The following ULK4 variants were observed in gnomAD, a reference collection of about 807,000 sequenced individuals.
The protein encoded by ULK4 is inactive serine/threonine-protein kinase ULK4.
A neutral mutation model predicts 160.6 loss-of-function variants in ULK4; 133 were observed. The observed-to-expected ratio is 0.83, with a 90% CI of 0.72 to 0.96. ULK4 has a LOEUF of 0.96. Ranked by LOEUF, ULK4 falls within the 40% of genes least tolerant of loss-of-function variation. The probability of loss-of-function intolerance (pLI) is 0.00; values close to 1 mark genes in which losing one functional copy is unlikely to be tolerated. For missense variants in ULK4, 1,580 were observed against 1,499.5 expected, an observed-to-expected ratio of 1.05 and a Z score of -0.89; for synonymous variants, 534 against 539.8, an observed-to-expected ratio of 0.99 and a Z score of 0.15.
At chr3:41,614,810 G>A (rs978563104) in intron 31 of ULK4, among the ~76,000 whole-genome samples, 2 of 152,218 alleles carry the variant, frequency 1.3e-5, no homozygotes, top group East Asian at 3.8e-4. Context: ...ATTAAGGAAA[G>A]TTGATTTCCC....
At chr3:41,680,651 AT>A (rs558571863) in intron 29 of ULK4, among the ~76,000 whole-genome samples, 1 of 152,060 alleles carries the variant, frequency 6.6e-6, no homozygotes, top group Non-Finnish European at 1.5e-5. Context: ...ATGATCATTA[AT>A]TTTTTTTAAA....
chr3:41,467,426 C>G (rs2083862495), intron 32 of ULK4, among the ~76,000 whole-genome samples: 1 of 152,106 alleles, frequency 6.6e-6, no homozygotes, highest in South Asian at 2.1e-4. Context: ...ACTCAGGAGG[C>G]TGAGGCAGGA....
chr3:41,390,349 T>G (rs1000408233), intron 35 of ULK4, among the ~76,000 whole-genome samples: 6 of 152,308 alleles, frequency 3.9e-5, no homozygotes, highest in African/African-American at 1.4e-4. Context: ...TGAAGGGTTT[T>G]TTGTGTCTCT....
intron 2 of ULK4, among the ~76,000 whole-genome samples, chr3:41,943,171 C>T (rs1700011739): frequency 6.6e-6 from 1 of 150,840 alleles, no homozygotes; most frequent in Admixed American, 6.6e-5. Flanking sequence ...CAAGATCGTG[C>T]CACCGCACTC....
At chr3:41,342,975 C>T (rs1025178340) in intron 35 of ULK4, among the ~76,000 whole-genome samples, 25 of 152,088 alleles carry the variant, frequency 1.6e-4, no homozygotes, top group African/African-American at 6.0e-4. Flanking sequence ...ATTAAACATC[C>T]CTTCATGTTA....
At chr3:41,378,878 A>G (rs938223080) in intron 35 of ULK4, among the ~76,000 whole-genome samples, 1 of 152,150 alleles carries the variant, frequency 6.6e-6, no homozygotes, top group African/African-American at 2.4e-5. Flanking sequence ...TGCAGCCATA[A>G]AAAAGAATGA....
intron 18 of ULK4, among the ~76,000 whole-genome samples, chr3:41,826,846 C>G (rs981111143): frequency 1.4e-5 from 2 of 143,846 alleles, no homozygotes; most frequent in African/African-American, 2.8e-5. Flanking sequence ...CCCAAATCAA[C>G]AGAATATACA....
chr3:41,752,197 T>G (rs972599492), intron 22 of ULK4, among the ~76,000 whole-genome samples: 1 of 152,238 alleles, frequency 6.6e-6, no homozygotes. Flanking sequence ...ATTGTTTTAT[T>G]TTGTCCCTTT....
At chr3:41,363,929 TCTC>T (rs1400576658) in intron 35 of ULK4, among the ~76,000 whole-genome samples, 6 of 128,614 alleles carry the variant, frequency 4.7e-5, no homozygotes, top group African/African-American at 9.6e-5. Context: ...CCAAATTCTC[TCTC>T]TTTTTTTTTT....
intron 32 of ULK4, among the ~76,000 whole-genome samples, chr3:41,522,274 G>C (rs1248848288): frequency 6.6e-6 from 1 of 151,500 alleles, no homozygotes; most frequent in African/African-American, 2.4e-5. Flanking sequence ...CATGCAGTTG[G>C]GATTACAGGT....
intron 35 of ULK4, among the ~76,000 whole-genome samples, chr3:41,348,936 CT>C (rs951433100): frequency 2.6e-5 from 4 of 152,150 alleles, no homozygotes; most frequent in African/African-American, 9.7e-5. Flanking sequence ...TGTAATGTCA[CT>C]TAGAACCAGG....
At chr3:41,278,118 C>G (rs1389327841) in intron 35 of ULK4, 1 of 152,370 alleles carries the variant, frequency 6.6e-6, no homozygotes, top group African/African-American at 2.4e-5. Context: ...ACAGTCTTAG[C>G]AGCCAGCAGA....
At chr3:41,850,457 A>C (rs1317779346) in intron 17 of ULK4, among the ~76,000 whole-genome samples, 1 of 151,554 alleles carries the variant, frequency 6.6e-6, no homozygotes, top group Non-Finnish European at 1.5e-5. Context: ...ATTTCTCCAC[A>C]TCCTCTCCAG....
intron 30 of ULK4, among the ~76,000 whole-genome samples, chr3:41,639,488 G>A (rs2034096273): frequency 6.6e-6 from 1 of 152,164 alleles, no homozygotes; most frequent in Non-Finnish European, 1.5e-5. Context: ...AGCACTTTGG[G>A]AGGCCGAGTC....
chr3:41,952,282 A>T (rs896622292), intron 2 of ULK4, among the ~76,000 whole-genome samples: 3 of 152,224 alleles, frequency 2.0e-5, no homozygotes, highest in African/African-American at 7.2e-5. Flanking sequence ...GAATATGAAA[A>T]TATATTTGCA....
intron 16 of ULK4, among the ~76,000 whole-genome samples, chr3:41,892,119 C>T (rs1697990008): frequency 6.6e-6 from 1 of 152,110 alleles, no homozygotes; most frequent in Non-Finnish European, 1.5e-5. Context: ...TAAAAAGCAA[C>T]CTATGTAATG....
intron 35 of ULK4, among the ~76,000 whole-genome samples, chr3:41,353,769 G>A (rs1480435582): frequency 6.6e-6 from 1 of 150,704 alleles, no homozygotes; most frequent in African/African-American, 2.4e-5. Context: ...AACAAAGAAA[G>A]ACTGCTTTAT....
At chr3:41,403,143 C>T (rs1462684684) in intron 34 of ULK4, among the ~76,000 whole-genome samples, 1 of 146,326 alleles carries the variant, frequency 6.8e-6, no homozygotes, top group Non-Finnish European at 1.5e-5. Flanking sequence ...AGAGTGAAAA[C>T]TCCGTCTCAA....
intron 25 of ULK4, among the ~76,000 whole-genome samples, chr3:41,707,836 GA>G (rs57559220): frequency 0.081 from 10,001 of 122,990 alleles, 1,097 homozygotes; most frequent in African/African-American, 0.26. Flanking sequence ...TCCAAAAAAA[GA>G]AAAAAAAAAA....
Sources: allele counts gnomAD v4.1 joint callset (sites outside exome capture counted in the v4.1 genomes callset), GRCh38; gene constraint gnomAD v4.1.1; transcripts MANE v1.5; gene names NCBI Gene and HGNC (gene_info 2026-07-23, HGNC 2026-07-21).